PFKP: variants seen among roughly 807,000 people sequenced by gnomAD.
PFKP encodes phosphofructokinase, platelet.
Under a neutral mutation model 94.3 loss-of-function variants are expected in PFKP, and 101 were observed. That is an observed-to-expected ratio of 1.07 (90% confidence interval 0.91 to 1.26). The LOEUF (loss-of-function observed/expected upper bound fraction) is 1.26. Among genes scored for constraint, PFKP ranks in the 50% most tolerant of loss-of-function variants. PFKP has a pLI of 0.00. For missense variants in PFKP, 1,145 were observed against 1,103.3 expected, an observed-to-expected ratio of 1.04 and a Z score of -0.53; for synonymous variants, 573 against 432.6, an observed-to-expected ratio of 1.32 and a Z score of -4.03.
chr10:3,080,737 G>C (rs1416362228), intron 1 of PFKP, among the ~76,000 whole-genome samples: 1 of 152,008 alleles, frequency 6.6e-6, no homozygotes, highest in Non-Finnish European at 1.5e-5. Flanking sequence ...TAAATTATTT[G>C]CATAAAAGCA....
chr10:3,135,946 G>T (rs1442842957), intron 21 of PFKP, 108 bp downstream of exon 21: 1 of 707,264 alleles, frequency 1.4e-6, no homozygotes, highest in African/African-American at 1.8e-5. Context: ...TTGAGGAACT[G>T]GCTTTTCTGA....
At chr10:3,087,285 T>TA (rs1437889002) in intron 2 of PFKP, among the ~76,000 whole-genome samples, 1 of 152,072 alleles carries the variant, frequency 6.6e-6, no homozygotes, top group Non-Finnish European at 1.5e-5. Flanking sequence ...TCTTGGGAGG[T>TA]AAAACCCATA....
At chr10:3,082,046 T>A (rs1025541382) in intron 1 of PFKP, among the ~76,000 whole-genome samples, 1 of 139,576 alleles carries the variant, frequency 7.2e-6, no homozygotes, top group Non-Finnish European at 1.5e-5. Flanking sequence ...CCATTTTTCA[T>A]CTCCTTCTCA....
intron 1 of PFKP, chr10:3,069,154 C>A (rs1831984114): frequency 2.1e-6 from 2 of 966,974 alleles, no homozygotes; most frequent in Non-Finnish European, 2.6e-6. Context: ...GCGCCCCCCG[C>A]GGGAGACCCG....
In PFKP at chr10:3,077,261, C is replaced by CTTTTTTTTTTTTTTT. The variant is rs34485324; in HGVS notation, c.113-5122_113-5108dup. 5.5e-4 allele frequency among the ~76,000 whole-genome samples: 46 copies of CTTTTTTTTTTTTTTT among 84,236 alleles called. 2 individuals carry two copies. Among genetic ancestry groups the CTTTTTTTTTTTTTTT allele is most frequent in the Non-Finnish European group, 7.7e-4 (37 of 47,826 alleles). The allele number at this position is 84,236 out of a possible 152,430, so 55.3% of individuals were successfully genotyped here. A position where few individuals can be genotyped will look rare whatever the true frequency, so the allele number is the denominator to read the frequency against. The stretch of plus-strand genomic sequence containing the variant: ...CATCTATTCTTTACTTTTTTTTTTT[C>CTTTTTTTTTTTTTTT]TTTTTTTTTTTTTTTTTTTGAGATG... On this transcript the variant is annotated intron_variant, in intron 1 of 21. Coordinates refer to ENST00000381125, the MANE Select transcript of PFKP (RefSeq NM_002627.5).
chr10:3,069,361 G>A (rs780328354), intron 1 of PFKP: 3 of 1,590,266 alleles, frequency 1.9e-6, no homozygotes, highest in Admixed American at 3.5e-5. Flanking sequence ...CCTGGCCCGC[G>A]TGACTTAAAC....
At chr10:3,128,345 C>T (rs1238063469) in intron 16 of PFKP, among the ~76,000 whole-genome samples, 3 of 152,084 alleles carry the variant, frequency 2.0e-5, no homozygotes, top group Non-Finnish European at 4.4e-5. Context: ...TGGGGTGGCT[C>T]CGAGAGCCCC....
At chr10:3,101,980 G>T (rs142419338) in intron 4 of PFKP, among the ~76,000 whole-genome samples, 13 of 150,846 alleles carry the variant, frequency 8.6e-5, no homozygotes, top group African/African-American at 3.1e-4. Flanking sequence ...GGCCGGGCGC[G>T]GTGGCTCACG....
chr10:3,105,373 C>T lies in PFKP; in HGVS notation c.666-20C>T. 12 of 1,591,368 alleles carry T rather than the reference C, an allele frequency of 7.5e-6. No homozygotes were observed. Among genetic ancestry groups the T allele is most frequent in the South Asian group, 1.1e-5 (1 of 90,620 alleles). ...GAAGGATCCTTCTGGGGTGTTGATG[C>T]TGTTGCCTTGTCCACATAGGTACCT... On this transcript the variant is annotated intron_variant, in intron 6 of 21. Transcript: ENST00000381125.
chr10:3,116,823 A>G lies in PFKP; in HGVS notation c.1419A>G (p.Gly473=). 1 of 1,613,228 alleles carries G rather than the reference A, an allele frequency of 6.2e-7. No homozygotes were observed. The change falls in exon 14 of 22, where the codon GGA becomes GGG. Residue 473 remains glycine (G), a synonymous_variant. Transcript: ENST00000381125. The part of the protein sequence containing the change: ...WTDVGGWTGQ[G]GSILGTKRVL... ...ATGTCGGGGGCTGGACCGGCCAAGG[A>G]GGCTCCATTCTTGGGACAAAACGGT...
chr10:3,116,081 T>C (rs1011871757), intron 13 of PFKP, among the ~76,000 whole-genome samples: 1 of 117,912 alleles, frequency 8.5e-6, no homozygotes, highest in Non-Finnish European at 1.8e-5. Flanking sequence ...AAATATTGCC[T>C]TCAAAACTGA....
chr10:3,136,804 A>G, downstream of PFKP: 1 of 419,628 alleles, frequency 2.4e-6, no homozygotes. Context: ...TGACTCCAAC[A>G]GTCCTCTGTT....
intron 13 of PFKP, among the ~76,000 whole-genome samples, chr10:3,115,868 G>GC (rs1836787060): frequency 6.6e-6 from 1 of 152,076 alleles, no homozygotes; most frequent in East Asian, 1.9e-4. Flanking sequence ...GGGTGGAGAT[G>GC]CCCTGTGGCA....
chr10:3,135,024 G>C (rs1367845847), intron 20 of PFKP, among the ~76,000 whole-genome samples: 1 of 152,006 alleles, frequency 6.6e-6, no homozygotes, highest in Non-Finnish European at 1.5e-5. Context: ...TCGTAGAACT[G>C]TGCATGTTCT....
chr10:3,129,933 G>A lies in PFKP; in HGVS notation c.1798G>A (p.Ala600Thr), dbSNP rs1173090828. The A allele has an allele frequency of 1.2e-6, 2 of 1,608,280 alleles. No individual in the cohort carries two copies. Among genetic ancestry groups the A allele is most frequent in the Admixed American group, 1.7e-5 (1 of 59,522 alleles). The change falls in exon 17 of 22, where the codon GCT becomes ACT. Residue 600 changes from alanine to threonine, a missense_variant. By Grantham distance (58) the Ala-to-Thr change is moderately conservative (BLOSUM62 0). Transcript: ENST00000381125. ...LANMGGLAAG[A>T]DAAYIFEEPF... ...CAACATGGGGGGGCTCGCGGCCGGA[G>A]CTGATGCCGCATACATTTTCGAAGA...
chr10:3,115,119 C>A (rs1836654102), intron 13 of PFKP, among the ~76,000 whole-genome samples: 1 of 152,184 alleles, frequency 6.6e-6, no homozygotes, highest in Non-Finnish European at 1.5e-5. Flanking sequence ...CTGGCCTGAG[C>A]ACATGGAAAG....
intron 6 of PFKP, 71 bp from the exon 7 acceptor site, chr10:3,105,322 G>A (rs564841238): frequency 2.9e-6 from 4 of 1,386,882 alleles, no homozygotes; most frequent in Non-Finnish European, 3.1e-6. Context: ...CTGTCGCTGA[G>A]CGGGGTGCCT....
intron 2 of PFKP, among the ~76,000 whole-genome samples, chr10:3,087,859 C>A (rs568622796): frequency 6.6e-6 from 1 of 152,076 alleles, no homozygotes; most frequent in Non-Finnish European, 1.5e-5. Context: ...TTCTCATGGA[C>A]CCTCAGACCG....
chr10:3,118,657 C>T (rs1688161818), intron 14 of PFKP, 125 bp from the exon 15 acceptor site: 2 of 633,626 alleles, frequency 3.2e-6, no homozygotes, highest in Non-Finnish European at 5.7e-6. Flanking sequence ...AAAAGGCAGA[C>T]GTTTACCGCT....
Sources: allele counts gnomAD v4.1 joint callset (sites outside exome capture counted in the v4.1 genomes callset), GRCh38; gene constraint gnomAD v4.1.1; transcripts MANE v1.5; gene names NCBI Gene and HGNC (gene_info 2026-07-23, HGNC 2026-07-21).